Variants in KIAA0319L observed in about 807,000 individuals in gnomAD.
KIAA0319L encodes KIAA0319 like.
A neutral mutation model predicts 120.1 loss-of-function variants in KIAA0319L; 55 were observed. The observed-to-expected ratio is 0.46, with a 90% CI of 0.37 to 0.57. The LOEUF (loss-of-function observed/expected upper bound fraction) is 0.57, where lower values mean the gene tolerates loss of function less well. Among genes scored for constraint, KIAA0319L ranks in the 20% least tolerant of loss-of-function variants. The pLI is 0.00. For missense variants in KIAA0319L, 1,049 were observed against 1,255.3 expected, an observed-to-expected ratio of 0.84 and a Z score of 2.48; for synonymous variants, 398 against 471.9, an observed-to-expected ratio of 0.84 and a Z score of 2.03.
At chr1:35,473,370 T>C (rs1002763418) in intron 5 of KIAA0319L, among the ~76,000 whole-genome samples, 2 of 152,086 alleles carry the variant, frequency 1.3e-5, no homozygotes, top group Non-Finnish European at 2.9e-5. Flanking sequence ...AGTACCAGGA[T>C]TACAAGTGTG....
chr1:35,485,572 T>C (rs987608649), intron 3 of KIAA0319L, among the ~76,000 whole-genome samples: 4 of 152,258 alleles, frequency 2.6e-5, no homozygotes, highest in African/African-American at 9.6e-5. Flanking sequence ...TGTGGAGAGC[T>C]TATCGTAGCC....
At chr1:35,489,567 A>T (rs1488943249) in intron 3 of KIAA0319L, among the ~76,000 whole-genome samples, 2 of 151,866 alleles carry the variant, frequency 1.3e-5, no homozygotes, top group Non-Finnish European at 2.9e-5. Context: ...TTTGAAGGAG[A>T]CCCCCTTAAG....
At chr1:35,503,810 G>A (rs189861029) in intron 3 of KIAA0319L, among the ~76,000 whole-genome samples, 1 of 151,744 alleles carries the variant, frequency 6.6e-6, no homozygotes, top group African/African-American at 2.4e-5. Flanking sequence ...CCTACTCAAC[G>A]TGAAGACAAT....
At position 35,553,066 on chromosome 1, in the gene KIAA0319L, G is replaced by C. The variant is rs569495993; in HGVS notation, c.142+1284C>G. ...TGTGCCACTGCACTCCAGCCTAGATGATGGAGTGACACTGTCTTAAAAAAA... is the reference window on the plus strand; with the variant it reads ...TGTGCCACTGCACTCCAGCCTAGATCATGGAGTGACACTGTCTTAAAAAAA... On this transcript the variant is annotated intron_variant, in intron 2 of 20. Transcript: ENST00000325722. Among the ~76,000 whole-genome samples, 4 of 151,490 alleles carry C rather than the reference G, an allele frequency of 2.6e-5. No homozygotes were observed. The South Asian group carries it at 8.4e-4, about 32-fold the overall frequency.
chr1:35,487,946 G>C (rs1336647836), intron 3 of KIAA0319L, among the ~76,000 whole-genome samples: 1 of 152,160 alleles, frequency 6.6e-6, no homozygotes. Flanking sequence ...GGTTATGGGG[G>C]TCACCCTCTT....
chr1:35,485,667 A>C (rs561137875), intron 3 of KIAA0319L, among the ~76,000 whole-genome samples: 6 of 152,262 alleles, frequency 3.9e-5, no homozygotes, highest in Admixed American at 3.3e-4. Context: ...TGCAACCTTC[A>C]GCTAGCAAAG....
intron 8 of KIAA0319L, among the ~76,000 whole-genome samples, chr1:35,460,679 T>C (rs920221213): frequency 1.3e-5 from 2 of 152,184 alleles, no homozygotes; most frequent in East Asian, 3.8e-4. Context: ...AAAATACTAC[T>C]GTATGAAGAA....
chr1:35,527,865 T>C lies in KIAA0319L; in HGVS notation c.143-20730A>G, dbSNP rs1646212527. The stretch of plus-strand genomic sequence containing the variant: ...TTCTTTTTTTTTATTTCTTAGTCTC[T>C]ATTTTGTTTATTTCTGCTCTGATCT... On this transcript the variant is annotated intron_variant, in intron 2 of 20. Coordinates refer to ENST00000325722, the MANE Select transcript of KIAA0319L (RefSeq NM_024874.5). Among the ~76,000 whole-genome samples, 3 of 149,926 alleles carry C rather than the reference T, an allele frequency of 2.0e-5. No individual in the cohort carries two copies. The Admixed American group carries it at 2.0e-4, about 10-fold the overall frequency.
rs1645535620 is a variant in KIAA0319L, at chr1:35,513,281, TA to T, written c.143-6147del. Among the ~76,000 whole-genome samples, 7 of 99,228 alleles carry T rather than the reference TA, an allele frequency of 7.1e-5. 1 individual carries two copies. Among genetic ancestry groups the T allele is most frequent in the South Asian group, 6.9e-4 (2 of 2,890 alleles). 65.1% of individuals were successfully genotyped at this position (99,228 alleles called of 152,430 possible). On this transcript the variant is annotated intron_variant, in intron 2 of 20. Transcript: ENST00000325722. ...TATCTATATAACATATATATATATATATATATATTTTTTTTTTTTTTTTTTT... is the reference window on the plus strand; with the variant it reads ...TATCTATATAACATATATATATATATTATATATTTTTTTTTTTTTTTTTTT...
At chr1:35,489,941 C>G (rs1489984949) in intron 3 of KIAA0319L, among the ~76,000 whole-genome samples, 2 of 151,886 alleles carry the variant, frequency 1.3e-5, no homozygotes, top group Non-Finnish European at 2.9e-5. Flanking sequence ...TGCTGGATTA[C>G]AGGCATGAGC....
At chr1:35,500,860 C>T (rs996813711) in intron 3 of KIAA0319L, among the ~76,000 whole-genome samples, 3 of 152,140 alleles carry the variant, frequency 2.0e-5, no homozygotes, top group African/African-American at 7.2e-5. Flanking sequence ...ACATGGCCTT[C>T]AGGGTAAGAA....
At position 35,454,366 on chromosome 1, in the gene KIAA0319L, T is replaced by A; in HGVS notation, c.1776A>T (p.Gln592His). Residue 592 changes from glutamine (Q) to histidine (H), a missense_variant, in exon 11 of 21, where the codon CAA becomes CAT. Coordinates refer to ENST00000325722, the MANE Select transcript of KIAA0319L (RefSeq NM_024874.5). Reference protein sequence around the residue: ...QATAQVTVIVQPENNKPPQAD... With the variant: ...QATAQVTVIVHPENNKPPQAD... ...AACCACAAGGCTGGAGCTTACCAGG[T>A]TGCACAATAACAGTCACTTGAGCAG... 1 of 1,613,906 alleles carries A rather than the reference T, an allele frequency of 6.2e-7. No individual in the cohort carries two copies. The highest frequency in any genetic ancestry group is 2.2e-5 in the East Asian group (1 of 44,880).
chr1:35,498,808 C>T (rs575901874), intron 3 of KIAA0319L, among the ~76,000 whole-genome samples: 21 of 152,260 alleles, frequency 1.4e-4, no homozygotes, highest in African/African-American at 4.8e-4. Flanking sequence ...TAATATTAAA[C>T]AACAGTTTAT....
intron 2 of KIAA0319L, among the ~76,000 whole-genome samples, chr1:35,538,362 T>G (rs1436666270): frequency 1.3e-5 from 2 of 151,948 alleles, no homozygotes; most frequent in Non-Finnish European, 2.9e-5. Flanking sequence ...AGGCCGAGGC[T>G]GGCGGATTGC....
intron 3 of KIAA0319L, among the ~76,000 whole-genome samples, chr1:35,494,761 A>G (rs764137282): frequency 2.0e-5 from 3 of 152,202 alleles, no homozygotes; most frequent in African/African-American, 7.2e-5. Context: ...CAGTGGGCCA[A>G]GACTGTACCA....
At chr1:35,490,792 A>G (rs1378329051) in intron 3 of KIAA0319L, among the ~76,000 whole-genome samples, 2 of 152,208 alleles carry the variant, frequency 1.3e-5, no homozygotes, top group African/African-American at 4.8e-5. Flanking sequence ...GGGAAGGGAC[A>G]TAGTAGGAGG....
intron 6 of KIAA0319L, among the ~76,000 whole-genome samples, chr1:35,468,669 T>C (rs1643428546): frequency 6.6e-6 from 1 of 152,216 alleles, no homozygotes; most frequent in Non-Finnish European, 1.5e-5. Context: ...TGGACTTCTC[T>C]TCCCCAACAT....
chr1:35,522,912 G>A lies in KIAA0319L; in HGVS notation c.143-15777C>T, dbSNP rs1340280598. ...CAGGCGCCTGTAGTCCCAGCTACTC[G>A]GGAGGCTGAGGCAGGAGAATCGCTT... On this transcript the variant is annotated intron_variant, in intron 2 of 20. Coordinates refer to ENST00000325722, the MANE Select transcript of KIAA0319L (RefSeq NM_024874.5). 4.6e-5 allele frequency among the ~76,000 whole-genome samples: 7 copies of A among 151,168 alleles called. No homozygotes were observed. In the South Asian group the frequency reaches 1.1e-3, roughly 23 times the overall value.
intron 1 of KIAA0319L, among the ~76,000 whole-genome samples, chr1:35,556,038 A>C (rs1406189996): frequency 6.6e-6 from 1 of 152,246 alleles, no homozygotes; most frequent in Non-Finnish European, 1.5e-5. Flanking sequence ...AGGCTTGCTG[A>C]CCAAACGCAA....
Sources: gnomAD v4.1 joint callset for allele counts (sites outside exome capture counted in the v4.1 genomes callset) on GRCh38, gnomAD v4.1.1 for gene constraint, MANE v1.5 for transcripts, NCBI Gene and HGNC (gene_info 2026-07-23, HGNC 2026-07-21) for gene names.